The following USP35 variants were observed in gnomAD, a reference collection of about 807,000 sequenced individuals.
The protein encoded by USP35 is ubiquitin specific peptidase 35.
A neutral mutation model predicts 83.8 loss-of-function variants in USP35; 69 were observed. The ratio of observed to expected loss-of-function variants is 0.82; its 90% CI spans 0.68 to 1.01. USP35 has a LOEUF of 1.01. Ranked by LOEUF, USP35 falls within the 50% of genes least tolerant of loss-of-function variation. USP35 has a pLI of 0.00. For missense variants in USP35, 1,503 were observed against 1,362.5 expected (o/e 1.10, Z -1.62); for synonymous variants, 714 against 589.5 (o/e 1.21, Z -3.06).
At position 78,210,171 on chromosome 11, in the gene USP35, G is replaced by C; in HGVS notation, c.2316G>C (p.Glu772Asp). The change falls in exon 10 of 11, where the codon GAG becomes GAC. Residue 772 changes from glutamate (E) to aspartate (D), a missense_variant. Transcript: ENST00000529308. ...LDLVNYFLSP[E>D]KLTAENRYYC... is the part of the protein sequence containing the mutation. Reference sequence around the variant, plus strand: ...TGGTTAACTACTTCCTGTCCCCCGAGAAGCTGACAGCAGAAAACCGCTACT... The same window carrying C: ...TGGTTAACTACTTCCTGTCCCCCGACAAGCTGACAGCAGAAAACCGCTACT... The C allele has an allele frequency of 6.2e-7, 1 of 1,613,856 alleles. No individual in the cohort carries two copies.
At chr11:78,204,360 A>G (rs1863470073) in intron 6 of USP35, among the ~76,000 whole-genome samples, 1 of 152,220 alleles carries the variant, frequency 6.6e-6, no homozygotes, top group Admixed American at 6.5e-5. Flanking sequence ...ATGCCTTTGT[A>G]AATAAGTTCT....
chr11:78,233,221 G>A, the USP35 span, among the ~76,000 whole-genome samples: 3 of 152,098 alleles, frequency 2.0e-5, no homozygotes, highest in Non-Finnish European at 2.9e-5. Context: ...TTTTGGTAGA[G>A]ATGGGGTGTC....
Position 78,200,212 on chromosome 11 carries a change from A to G in USP35, c.1016A>G (p.His339Arg). ...VLKYMLLTFQHSHEAFHLLLP... is the reference protein window; with the variant it reads ...VLKYMLLTFQRSHEAFHLLLP... ...AAGTACATGCTCCTGACCTTCCAGC[A>G]CTCCCACGAAGCCTTCCACCTGGTA... The change falls in exon 5 of 11, where the codon CAC (histidine) becomes CGC (arginine). Residue 339 changes from histidine (H) to arginine (R), a missense_variant. By Grantham distance (29) the His-to-Arg change is conservative. Transcript: ENST00000529308. 1.2e-6 allele frequency: 2 copies of G among 1,613,902 alleles called. No homozygotes were observed. The highest frequency in any genetic ancestry group is 1.7e-6 in the Non-Finnish European group (2 of 1,179,970).
the USP35 span, among the ~76,000 whole-genome samples, chr11:78,227,648 G>A: frequency 0.022 from 2,252 of 103,840 alleles, 3 homozygotes; most frequent in Middle Eastern, 0.053. Context: ...AAAAAAAAAA[G>A]AACTAGCTGG....
chr11:78,206,130 AG>A (rs1863524322), intron 7 of USP35, 95 bp downstream of exon 7: 2 of 1,147,354 alleles, frequency 1.7e-6, no homozygotes, highest in Non-Finnish European at 2.5e-6. Context: ...GGGGTTGGAG[AG>A]GGTGGGCCTT....
At chr11:78,199,409 C>T in intron 3 of USP35, 186 bp from the exon 4 acceptor site, 3 of 821,892 alleles carry the variant, frequency 3.7e-6, no homozygotes, top group Non-Finnish European at 5.7e-6. Flanking sequence ...CAGTGTCTGG[C>T]AGGTGGCTGT....
rs1212873320 is a variant in USP35, at chr11:78,210,730, A to T, written c.2875A>T (p.Ile959Phe). The T allele has an allele frequency of 6.4e-6, 10 of 1,558,790 alleles. No homozygotes were observed. The highest frequency in any genetic ancestry group is 1.4e-5 in the African/African-American group (1 of 73,256). Residue 959 changes from isoleucine to phenylalanine, a missense_variant, in exon 10 of 11, where the codon ATC becomes TTC. By Grantham distance (21) the Ile-to-Phe change is conservative. Coordinates refer to ENST00000529308, the MANE Select transcript of USP35 (RefSeq NM_020798.4). ...GATGGAAGCCATTTCCAAAGACAAC[A>T]TCCTTTACCTACAGGTGAGCTGAGC... Reference protein sequence around the residue: ...DLMEAISKDNILYLQEQEKEA... With the variant: ...DLMEAISKDNFLYLQEQEKEA...
the USP35 span, among the ~76,000 whole-genome samples, chr11:78,225,733 T>G: frequency 6.6e-6 from 1 of 152,164 alleles, no homozygotes; most frequent in East Asian, 1.9e-4. Flanking sequence ...TCTGGCACAA[T>G]GACTCTGCAA....
At position 78,214,234 on chromosome 11, in the gene USP35, A is replaced by AGGGGGG. The variant is rs1555090054; in HGVS notation, c.*425_*426insGGGGGG. ...ACAGCAGGATCCAAGCCTTGCACAA[A>AGGGGGG]GGGGTGGGGGGGGCAGTGTCTCCTC... On this transcript the variant is annotated 3_prime_UTR_variant, in exon 11 of 11. Transcript: ENST00000529308. 2 of 96,200 alleles carry AGGGGGG rather than the reference A, an allele frequency of 2.1e-5. No individual in the cohort carries two copies. The highest frequency in any genetic ancestry group is 1.2e-4 in the Admixed American group (1 of 8,150). The allele number at this position is 96,200 out of a possible 1,614,324, so 6.0% of individuals were successfully genotyped here. A position where few individuals can be genotyped will look rare whatever the true frequency, so the allele number is the denominator to read the frequency against.
chr11:78,204,789 G>A (rs529381160), intron 6 of USP35, among the ~76,000 whole-genome samples: 23 of 152,226 alleles, frequency 1.5e-4, no homozygotes, highest in Non-Finnish European at 3.2e-4. Context: ...TAAATCATCT[G>A]TGAGAAGTGA....
At chr11:78,192,359 A>G (rs1590892993) in intron 1 of USP35, among the ~76,000 whole-genome samples, 2 of 152,216 alleles carry the variant, frequency 1.3e-5, no homozygotes. Flanking sequence ...GGCAGAGTGC[A>G]GGTTCTAATC....
the USP35 span, among the ~76,000 whole-genome samples, chr11:78,222,643 C>T: frequency 3.3e-5 from 5 of 151,748 alleles, no homozygotes; most frequent in South Asian, 2.1e-4. Context: ...AGTGCAGCGG[C>T]GCAATCTCAG....
At chr11:78,218,382 CT>C, downstream of USP35, 2 of 152,896 alleles carry the variant, frequency 1.3e-5, no homozygotes, top group Middle Eastern at 6.7e-3. Context: ...CCCCTGTATG[CT>C]GCTTTCAAGG....
chr11:78,213,306 T>G (rs1863874058), intron 10 of USP35, among the ~76,000 whole-genome samples: 1 of 152,106 alleles, frequency 6.6e-6, no homozygotes, highest in African/African-American at 2.4e-5. Flanking sequence ...GCAGAGCCCA[T>G]TCCTCGTGAT....
chr11:78,191,068 G>A (rs1157492072), intron 1 of USP35, among the ~76,000 whole-genome samples: 2 of 152,198 alleles, frequency 1.3e-5, no homozygotes, highest in Non-Finnish European at 2.9e-5. Context: ...TCCATCTGAC[G>A]ATGCTGCATC....
chr11:78,192,820 T>C (rs1446468982), intron 1 of USP35, among the ~76,000 whole-genome samples: 2 of 152,236 alleles, frequency 1.3e-5, no homozygotes, highest in South Asian at 2.1e-4. Flanking sequence ...GGGTATGATT[T>C]ACTGAGGGTC....
chr11:78,207,427 T>C (rs1333687816), intron 7 of USP35, 103 bp from the exon 8 acceptor site: 1 of 1,149,598 alleles, frequency 8.7e-7, no homozygotes, highest in Non-Finnish European at 1.3e-6. Context: ...GAAATGTCTG[T>C]TCTGCCTTTG....
chr11:78,236,255 G>A, the USP35 span, among the ~76,000 whole-genome samples: 1 of 152,166 alleles, frequency 6.6e-6, no homozygotes, highest in Non-Finnish European at 1.5e-5. Context: ...ACTGCATACT[G>A]TAAAACTTAT....
At chr11:78,233,282 GT>G in the USP35 span, among the ~76,000 whole-genome samples, 1 of 152,096 alleles carries the variant, frequency 6.6e-6, no homozygotes, top group South Asian at 2.1e-4. Flanking sequence ...CAATCCGCCT[GT>G]CTTGGTCTCC....
Sources: allele counts gnomAD v4.1 joint callset (sites outside exome capture counted in the v4.1 genomes callset), GRCh38; gene constraint gnomAD v4.1.1; transcripts MANE v1.5; gene names NCBI Gene and HGNC (gene_info 2026-07-23, HGNC 2026-07-21).